Variants in SLIT2 observed in about 807,000 individuals in gnomAD.
SLIT2 encodes the protein slit guidance ligand 2, also known as slit homolog 2 protein.
Under a neutral mutation model 185.7 loss-of-function variants are expected in SLIT2, and 41 were observed. The observed-to-expected ratio is 0.22, with a 90% confidence interval of 0.17 to 0.29. SLIT2 has a LOEUF of 0.29. Among genes scored for constraint, SLIT2 ranks in the 10% least tolerant of loss-of-function variants. SLIT2 has a pLI of 1.00. For synonymous variants in SLIT2, 693 were observed against 680.2 expected, an observed-to-expected ratio of 1.02 and a Z score of -0.29; for missense variants, 1,571 against 1,909.0, an observed-to-expected ratio of 0.82 and a Z score of 3.30.
At chr4:20,525,872 A>T (rs1319309393) in intron 15 of SLIT2, among the ~76,000 whole-genome samples, 1 of 152,160 alleles carries the variant, frequency 6.6e-6, no homozygotes, top group Non-Finnish European at 1.5e-5. Flanking sequence ...AGATGGATAA[A>T]ATGTTTCTAA....
intron 4 of SLIT2, among the ~76,000 whole-genome samples, chr4:20,315,301 C>T (rs541629933): frequency 6.6e-6 from 1 of 152,188 alleles, no homozygotes; most frequent in South Asian, 2.1e-4. Flanking sequence ...GAATATTCAA[C>T]CACAACAGAG....
intron 4 of SLIT2, among the ~76,000 whole-genome samples, chr4:20,437,966 C>G (rs1577658594): frequency 6.6e-6 from 1 of 152,048 alleles, no homozygotes; most frequent in South Asian, 2.1e-4. Context: ...CTTGACTCCC[C>G]TCTTTACCTC....
intron 11 of SLIT2, among the ~76,000 whole-genome samples, chr4:20,514,739 C>A (rs576831746): frequency 2.7e-5 from 4 of 146,690 alleles, no homozygotes; most frequent in Admixed American, 1.5e-4. Context: ...TTTTTTAAGG[C>A]CTCTCCTACT....
At chr4:20,611,264 C>G (rs1002713566) in intron 34 of SLIT2, among the ~76,000 whole-genome samples, 6 of 152,170 alleles carry the variant, frequency 3.9e-5, no homozygotes, top group African/African-American at 1.4e-4. Flanking sequence ...TTCAGTGCCT[C>G]TAAGCCTAGG....
intron 26 of SLIT2, among the ~76,000 whole-genome samples, chr4:20,557,722 A>G (rs1724377252): frequency 6.6e-6 from 1 of 152,098 alleles, no homozygotes; most frequent in African/African-American, 2.4e-5. Flanking sequence ...CAGCAGCTGT[A>G]CATAGTGGTT....
chr4:20,526,009 C>G (rs1721254124), intron 15 of SLIT2, among the ~76,000 whole-genome samples: 1 of 152,088 alleles, frequency 6.6e-6, no homozygotes, highest in Non-Finnish European at 1.5e-5. Context: ...TAAAATGCCT[C>G]TTGACTTGTT....
At position 20,490,944 on chromosome 4, in the gene SLIT2, AGGT is replaced by A. The variant is rs765194973; in HGVS notation, c.776-816_776-814del. 1.5e-3 allele frequency: 1,022 copies of A among 675,404 alleles called. 14 individuals are homozygous for A. Among genetic ancestry groups the A allele is most frequent in the Non-Finnish European group, 2.0e-3 (760 of 386,652 alleles). The allele number at this position is 675,404 out of a possible 1,614,324, so 41.8% of individuals were successfully genotyped here. A position where few individuals can be genotyped will look rare whatever the true frequency, so the allele number is the denominator to read the frequency against. ...ACCACCACTAGGGCCCTTTCCTGGC[AGGT>A]TGGAAAGGGCAGTCCCCACTGTCTT... On this transcript the variant is annotated intron_variant, in intron 8 of 36. Coordinates refer to ENST00000504154, the MANE Select transcript of SLIT2 (RefSeq NM_004787.4).
chr4:20,264,931 ATC>A (rs777140024), intron 3 of SLIT2, among the ~76,000 whole-genome samples: 2 of 151,896 alleles, frequency 1.3e-5, no homozygotes, highest in Non-Finnish European at 2.9e-5. Context: ...ATATCACTAT[ATC>A]TCTGTCATTC....
chr4:20,472,287 G>GATATATAGATATATAGATCT (rs1392150833), intron 5 of SLIT2, among the ~76,000 whole-genome samples: 1 of 14,882 alleles, frequency 6.7e-5, no homozygotes, highest in African/African-American at 2.8e-4. Context: ...TATATATATA[G>GATATATAGATATATAGATCT]ATATATAGAT....
intron 4 of SLIT2, among the ~76,000 whole-genome samples, chr4:20,424,112 G>A (rs1037289320): frequency 6.6e-6 from 1 of 152,056 alleles, no homozygotes; most frequent in Non-Finnish European, 1.5e-5. Flanking sequence ...TAGAACATAC[G>A]TGGAACTAAT....
At chr4:20,587,372 A>T (rs1490790525) in intron 29 of SLIT2, among the ~76,000 whole-genome samples, 1 of 152,214 alleles carries the variant, frequency 6.6e-6, no homozygotes, top group Non-Finnish European at 1.5e-5. Context: ...TCAGGTGTAT[A>T]GCTATGTAAT....
chr4:20,296,579 T>C (rs1385939064), intron 4 of SLIT2, among the ~76,000 whole-genome samples: 3 of 152,214 alleles, frequency 2.0e-5, no homozygotes, highest in Non-Finnish European at 4.4e-5. Context: ...GATGTTGGAC[T>C]ATAGATACTA....
chr4:20,564,447 C>A (rs1724933220), intron 26 of SLIT2, among the ~76,000 whole-genome samples: 1 of 151,894 alleles, frequency 6.6e-6, no homozygotes, highest in Non-Finnish European at 1.5e-5. Flanking sequence ...GAAATTATAT[C>A]ATATTTAGAC....
At chr4:20,485,409 CAATAAT>C (rs1022851036) in intron 6 of SLIT2, among the ~76,000 whole-genome samples, 1 of 151,838 alleles carries the variant, frequency 6.6e-6, no homozygotes, top group Non-Finnish European at 1.5e-5. Flanking sequence ...TAGTAATAAT[CAATAAT>C]AATAATAATA....
At chr4:20,523,727 A>G (rs377745727) in intron 12 of SLIT2, 33 bp from the exon 13 acceptor site, 1 of 1,601,650 alleles carries the variant, frequency 6.2e-7, no homozygotes, top group African/African-American at 1.3e-5. Context: ...ATAAGATGCT[A>G]CACTTTAATT....
At chr4:20,363,688 A>G (rs936002206) in intron 4 of SLIT2, among the ~76,000 whole-genome samples, 1 of 152,136 alleles carries the variant, frequency 6.6e-6, no homozygotes, top group African/African-American at 2.4e-5. Context: ...CACACTTCCT[A>G]TGCAGATTTA....
At chr4:20,557,427 A>G (rs1438238445) in intron 26 of SLIT2, among the ~76,000 whole-genome samples, 2 of 152,028 alleles carry the variant, frequency 1.3e-5, no homozygotes, top group Admixed American at 1.3e-4. Context: ...TACTCTGCTT[A>G]TGCTCTATAA....
Position 20,528,819 on chromosome 4 carries a change from T to A in SLIT2, c.1463-130T>A. ...CTTTTAACCTTTCTCCTGACATCCA[T>A]TGACCAAAATACCCCAAGTTGTCTC... On this transcript the variant is annotated intron_variant, in intron 15 of 36. Transcript: ENST00000504154. The surrounding 1 kb of genome is among the most constrained non-coding windows in gnomAD (Gnocchi z 4.2). The A allele has an allele frequency of 1.6e-6, 1 of 643,194 alleles. No individual in the cohort carries two copies. The highest frequency in any genetic ancestry group is 2.6e-6 in the Non-Finnish European group (1 of 390,862). The allele number at this position is 643,194 out of a possible 1,614,324, so 39.8% of individuals were successfully genotyped here. A position where few individuals can be genotyped will look rare whatever the true frequency, so the allele number is the denominator to read the frequency against.
intron 4 of SLIT2, among the ~76,000 whole-genome samples, chr4:20,416,165 A>G (rs1727665796): frequency 6.6e-6 from 1 of 152,214 alleles, no homozygotes; most frequent in South Asian, 2.1e-4. Flanking sequence ...CACTAGGGCT[A>G]CCATAGCAAA....
Sources: gnomAD v4.1 joint callset for allele counts (sites outside exome capture counted in the v4.1 genomes callset) on GRCh38, gnomAD v4.1.1 for gene constraint, Gnocchi (gnomAD v3.1) non-coding constraint, MANE v1.5 for transcripts, NCBI Gene and HGNC (gene_info 2026-07-23, HGNC 2026-07-21) for gene names.